CCL28: variants seen among roughly 807,000 people sequenced by gnomAD.
CCL28 encodes the protein C-C motif chemokine ligand 28, also known as C-C motif chemokine 28.
Under a neutral mutation model 7.1 loss-of-function variants are expected in CCL28, and 4 were observed. That is an observed-to-expected ratio of 0.56 (90% confidence interval 0.28 to 1.29). CCL28 has a LOEUF of 1.29. Among genes scored for constraint, CCL28 ranks in the 50% most tolerant of loss-of-function variants. The pLI, the probability that CCL28 is intolerant of heterozygous loss-of-function variation, is 0.11. For synonymous variants in CCL28, 55 were observed against 57.8 expected, an observed-to-expected ratio of 0.95 and a Z score of 0.22; for missense variants, 151 against 163.4, an observed-to-expected ratio of 0.92 and a Z score of 0.41.
At chr5:43,387,384 A>G (rs949703433) in intron 2 of CCL28, among the ~76,000 whole-genome samples, 2 of 152,184 alleles carry the variant, frequency 1.3e-5, no homozygotes, top group African/African-American at 4.8e-5. Flanking sequence ...AGATTTACTA[A>G]ATACCAATGC....
chr5:43,361,302 A>G, the CCL28 span, among the ~76,000 whole-genome samples: 2 of 152,192 alleles, frequency 1.3e-5, no homozygotes, highest in Non-Finnish European at 2.9e-5. Context: ...GTATCTTTAT[A>G]ATAGAATGAC....
At chr5:43,377,670 T>C (rs1296695293), downstream of CCL28, among the ~76,000 whole-genome samples, 1 of 147,790 alleles carries the variant, frequency 6.8e-6, no homozygotes, top group Non-Finnish European at 1.5e-5. Flanking sequence ...GAAATGATAC[T>C]TTAAGCGTTT....
downstream of CCL28, among the ~76,000 whole-genome samples, chr5:43,374,780 CAAAA>C (rs10540720): frequency 5.5e-5 from 6 of 109,420 alleles, no homozygotes; most frequent in African/African-American, 6.9e-5. Context: ...GACTCTGTCT[CAAAA>C]AAAAAAAAAA....
chr5:43,399,772 T>C lies in CCL28; in HGVS notation c.65-11296A>G, dbSNP rs115255123. On this transcript the variant is annotated intron_variant, in intron 1 of 2. Coordinates refer to ENST00000361115, the MANE Select transcript of CCL28 (RefSeq NM_148672.3). ...AATATGATAAATCATTTGTTCACTA[T>C]ATGTAATATTGTAAAGATGTTTTTA... Among the ~76,000 whole-genome samples, 844 of 152,320 alleles carry C rather than the reference T, an allele frequency of 5.5e-3. 10 individuals carry two copies. The highest frequency in any genetic ancestry group is 9.9e-3 in the Non-Finnish European group (673 of 68,038).
intron 2 of CCL28, 35 bp downstream of exon 2, chr5:43,388,315 T>C: frequency 6.2e-7 from 1 of 1,612,030 alleles, no homozygotes; most frequent in South Asian, 1.1e-5. Flanking sequence ...ATAATCACTG[T>C]GCAGGTTTAG....
At chr5:43,375,909 C>G (rs1481252646), downstream of CCL28, among the ~76,000 whole-genome samples, 4 of 151,466 alleles carry the variant, frequency 2.6e-5, no homozygotes, top group Admixed American at 2.6e-4. Flanking sequence ...GTGGTGTGTG[C>G]CTGTAATGCC....
chr5:43,375,942 G>A (rs1739881208), downstream of CCL28, among the ~76,000 whole-genome samples: 1 of 152,222 alleles, frequency 6.6e-6, no homozygotes. Flanking sequence ...GGCTGAGGCA[G>A]GAGAATCGCT....
intron 1 of CCL28, among the ~76,000 whole-genome samples, chr5:43,411,543 C>A (rs1741536662): frequency 6.6e-6 from 1 of 151,808 alleles, no homozygotes; most frequent in South Asian, 2.1e-4. Flanking sequence ...CCCCTCCCCT[C>A]TTTTTGTTTT....
At chr5:43,392,590 A>T (rs1205562376) in intron 1 of CCL28, among the ~76,000 whole-genome samples, 1 of 152,218 alleles carries the variant, frequency 6.6e-6, no homozygotes, top group East Asian at 1.9e-4. Flanking sequence ...AAGTGATTAT[A>T]CCAATTTACA....
At chr5:43,361,842 T>C in the CCL28 span, among the ~76,000 whole-genome samples, 1 of 139,132 alleles carries the variant, frequency 7.2e-6, no homozygotes, top group African/African-American at 2.7e-5. Context: ...TTCTGTTCCA[T>C]TGATCTATGT....
At chr5:43,374,316 G>A (rs1414182233), downstream of CCL28, among the ~76,000 whole-genome samples, 1 of 152,202 alleles carries the variant, frequency 6.6e-6, no homozygotes, top group African/African-American at 2.4e-5. Flanking sequence ...GAATAGTGAG[G>A]AAGAGCATAA....
the CCL28 span, among the ~76,000 whole-genome samples, chr5:43,365,891 G>A: frequency 1.4e-4 from 22 of 151,928 alleles, no homozygotes; most frequent in Non-Finnish European, 2.5e-4. Flanking sequence ...TTGTCTTCAC[G>A]CTTTATTTCA....
chr5:43,402,919 C>T (rs982556822), intron 1 of CCL28, among the ~76,000 whole-genome samples: 2 of 152,242 alleles, frequency 1.3e-5, no homozygotes, highest in Non-Finnish European at 2.9e-5. Flanking sequence ...ACTGCTAGCA[C>T]AGCGGTCTGA....
At chr5:43,376,330 C>T (rs548636832), downstream of CCL28, among the ~76,000 whole-genome samples, 36 of 152,236 alleles carry the variant, frequency 2.4e-4, no homozygotes, top group Middle Eastern at 3.4e-3. Flanking sequence ...TTGGCAATAT[C>T]TTCAGACATT....
the CCL28 span, among the ~76,000 whole-genome samples, chr5:43,369,956 A>G: frequency 6.6e-6 from 1 of 152,224 alleles, no homozygotes; most frequent in Non-Finnish European, 1.5e-5. Flanking sequence ...GGAAGAGACC[A>G]CATGGAGAGG....
chr5:43,371,974 G>A (rs1739793454), downstream of CCL28, among the ~76,000 whole-genome samples: 1 of 152,214 alleles, frequency 6.6e-6, no homozygotes, highest in African/African-American at 2.4e-5. Context: ...GGGCAAAGGG[G>A]AGCCAGTGTG....
downstream of CCL28, among the ~76,000 whole-genome samples, chr5:43,375,753 A>C (rs1198316098): frequency 2.0e-5 from 3 of 152,048 alleles, no homozygotes; most frequent in East Asian, 3.9e-4. Flanking sequence ...GCACTTTGGG[A>C]GGCTGAGGCG....
chr5:43,382,400 G>C (rs1423476723), intron 2 of CCL28, among the ~76,000 whole-genome samples: 2 of 152,172 alleles, frequency 1.3e-5, no homozygotes, highest in Non-Finnish European at 2.9e-5. Context: ...TAAAAACCAA[G>C]TGAACCCAAC....
chr5:43,357,454 A>G, the CCL28 span, among the ~76,000 whole-genome samples: 2 of 152,234 alleles, frequency 1.3e-5, no homozygotes, highest in African/African-American at 4.8e-5. Context: ...AGGATAGTGA[A>G]GCCAGTCAGA....
Sources: allele counts gnomAD v4.1 joint callset (sites outside exome capture counted in the v4.1 genomes callset), GRCh38; gene constraint gnomAD v4.1.1; transcripts MANE v1.5; gene names NCBI Gene and HGNC (gene_info 2026-07-23, HGNC 2026-07-21).